FETUB: variants seen among roughly 807,000 people sequenced by gnomAD.
The protein encoded by FETUB is fetuin-B.
In FETUB, 28 loss-of-function variants were observed where a neutral mutation model predicts 30.9. The observed-to-expected ratio is 0.90, with a 90% CI of 0.67 to 1.24. The LOEUF is 1.24. FETUB is among the 50% of genes most tolerant of loss of function. The probability of loss-of-function intolerance (pLI) is 0.00; values close to 1 mark genes in which losing one functional copy is unlikely to be tolerated. For synonymous variants in FETUB, 186 were observed against 175.9 expected, an observed-to-expected ratio of 1.06 and a Z score of -0.45; for missense variants, 469 against 455.3, an observed-to-expected ratio of 1.03 and a Z score of -0.27.
chr3:186,649,777 G>A (rs1292140960), intron 5 of FETUB, among the ~76,000 whole-genome samples: 1 of 152,128 alleles, frequency 6.6e-6, no homozygotes, highest in Non-Finnish European at 1.5e-5. Flanking sequence ...AGCTCAGGAT[G>A]ATATTTCATC....
intron 5 of FETUB, among the ~76,000 whole-genome samples, chr3:186,647,649 G>A (rs1717660918): frequency 1.3e-5 from 2 of 152,042 alleles, no homozygotes; most frequent in Admixed American, 6.6e-5. Flanking sequence ...TTGGAAAAAT[G>A]TCTACATAAA....
intron 5 of FETUB, among the ~76,000 whole-genome samples, chr3:186,650,125 A>G (rs1184468137): frequency 8.6e-6 from 1 of 115,964 alleles, no homozygotes; most frequent in African/African-American, 3.4e-5. Context: ...TAAATATACA[A>G]GTGCAGTTGT....
At position 186,640,834 on chromosome 3, in the gene FETUB, C is replaced by T. The variant is rs556341355; in HGVS notation, c.225+149C>T. ...CTCTGTTCTCCTCTGCCAGGGTCAG[C>T]AACAACGCACTTATTGTTAGTAAAA... is the stretch of plus-strand genomic sequence containing the variant. On this transcript the variant is annotated intron_variant, in intron 1 of 6. Coordinates refer to ENST00000265029, the MANE Select transcript of FETUB (RefSeq NM_014375.3). The T allele has an allele frequency of 1.6e-4, 113 of 723,132 alleles. No homozygotes were observed. The African/African-American group carries it at 1.8e-3, about 12-fold the overall frequency. 44.8% of individuals were successfully genotyped at this position (723,132 alleles called of 1,614,324 possible).
At position 186,642,489 on chromosome 3, in the gene FETUB, G is replaced by T. The variant is rs775576005; in HGVS notation, c.355G>T (p.Ala119Ser). ...GTTTCAGGTTTATGGTCAATGCAAA[G>T]CAATATTTTATATGAACAACCCAAG... ...FFESVYGQCK[A>S]IFYMNNPSRV... Residue 119 changes from alanine to serine, a missense_variant, in exon 3 of 7, where the codon GCA becomes TCA. Ala to Ser is a moderately conservative substitution (Grantham distance 99, BLOSUM62 1). Coordinates refer to ENST00000265029, the MANE Select transcript of FETUB (RefSeq NM_014375.3). The T allele has an allele frequency of 6.2e-7, 1 of 1,605,376 alleles. No homozygotes were observed. Among genetic ancestry groups the T allele is most frequent in the South Asian group, 1.1e-5 (1 of 90,568 alleles).
At position 186,644,843 on chromosome 3, in the gene FETUB, G is replaced by T. The variant is rs199634697; in HGVS notation, c.517G>T (p.Glu173Ter). ...SNHQVLEAAT[E>*]SLAKYNNENT... ...TCACCAAGTGCTGGAGGCTGCCACC[G>T]AGTCTCTTGCGAAATACAACAATGA... The change falls in exon 4 of 7, where the codon GAG (glutamate) becomes TAG (stop). Residue 173 changes from glutamate (E) to a stop codon, truncating the protein, a stop_gained. Transcript: ENST00000265029. LOFTEE classifies it high-confidence loss of function. 2 of 1,613,848 alleles carry T rather than the reference G, an allele frequency of 1.2e-6. No individual in the cohort carries two copies. Among genetic ancestry groups the T allele is most frequent in the Non-Finnish European group, 1.7e-6 (2 of 1,179,964 alleles).
upstream of FETUB, among the ~76,000 whole-genome samples, chr3:186,638,076 C>T (rs1413705027): frequency 1.3e-5 from 2 of 152,172 alleles, no homozygotes; most frequent in East Asian, 1.9e-4. Flanking sequence ...TTTGGATTGA[C>T]AGGTTAAGCA....
intron 3 of FETUB, among the ~76,000 whole-genome samples, chr3:186,643,208 T>G (rs999046536): frequency 6.6e-6 from 1 of 152,206 alleles, no homozygotes; most frequent in South Asian, 2.1e-4. Flanking sequence ...TTCCTCCTCC[T>G]GCTGCACCCT....
chr3:186,647,663 T>A (rs1482172383), intron 5 of FETUB, among the ~76,000 whole-genome samples: 1 of 152,192 alleles, frequency 6.6e-6, no homozygotes, highest in Non-Finnish European at 1.5e-5. Flanking sequence ...ACATAAATCA[T>A]TTGCCTACCT....
intron 5 of FETUB, 89 bp from the exon 6 acceptor site, chr3:186,651,129 T>C: frequency 1.2e-6 from 1 of 821,624 alleles, no homozygotes; most frequent in East Asian, 2.5e-5. Context: ...AAATGTTGAT[T>C]GGCTGTGTAT....
intron 1 of FETUB, 68 bp downstream of exon 1, chr3:186,640,753 G>A (rs1716979523): frequency 2.3e-6 from 3 of 1,294,808 alleles, no homozygotes; most frequent in Middle Eastern, 1.8e-4. Flanking sequence ...CCAGGGTGAG[G>A]GAACCCAGAG....
upstream of FETUB, among the ~76,000 whole-genome samples, chr3:186,639,897 A>G (rs2108512733): frequency 6.6e-6 from 1 of 152,360 alleles, no homozygotes; most frequent in South Asian, 2.1e-4. Context: ...TGATAAGTAG[A>G]ACATTTTCCA....
Position 186,652,254 on chromosome 3 carries a change from T to G in FETUB, c.781-9T>G. 1 of 1,534,948 alleles carries G rather than the reference T, an allele frequency of 6.5e-7. No homozygotes were observed. The highest frequency in any genetic ancestry group is 8.7e-7 in the Non-Finnish European group (1 of 1,146,058). On this transcript the variant is annotated splice_polypyrimidine_tract_variant and intron_variant, in intron 6 of 6. Transcript: ENST00000265029. Reference sequence around the variant, plus strand: ...TGGAACTCTACATTCAAAAATGTTCTCATTCCAGGCTCCAGCCACTGGAAG... The same window carrying G: ...TGGAACTCTACATTCAAAAATGTTCGCATTCCAGGCTCCAGCCACTGGAAG...
In FETUB at chr3:186,644,825, G is replaced by C. The variant is rs1472138378; in HGVS notation, c.499G>C (p.Val167Leu). ...SIPTDSSNHQ[V>L]LEAATESLAK... ...ACCCACTGACTCTTCCAATCACCAAGTGCTGGAGGCTGCCACCGAGTCTCT... is the reference window on the plus strand; with the variant it reads ...ACCCACTGACTCTTCCAATCACCAACTGCTGGAGGCTGCCACCGAGTCTCT... The change falls in exon 4 of 7, where the codon GTG becomes CTG. Residue 167 changes from valine (V) to leucine (L), a missense_variant. Coordinates refer to ENST00000265029, the MANE Select transcript of FETUB (RefSeq NM_014375.3). 7 of 1,613,692 alleles carry C rather than the reference G, an allele frequency of 4.3e-6. No individual in the cohort carries two copies. Among genetic ancestry groups the C allele is most frequent in the Admixed American group, 1.7e-5 (1 of 59,986 alleles).
chr3:186,638,152 A>T (rs1277121550), upstream of FETUB, among the ~76,000 whole-genome samples: 6 of 152,240 alleles, frequency 3.9e-5, no homozygotes, highest in African/African-American at 1.4e-4. Context: ...CAGAAATTTT[A>T]AAATTAAATA....
chr3:186,637,518 A>G (rs577491285), upstream of FETUB, among the ~76,000 whole-genome samples: 5 of 152,320 alleles, frequency 3.3e-5, no homozygotes, highest in Admixed American at 6.5e-5. Flanking sequence ...CTGTTCTCAA[A>G]TCAATAATCC....
intron 5 of FETUB, among the ~76,000 whole-genome samples, chr3:186,650,922 G>A (rs184698342): frequency 1.8e-4 from 27 of 152,326 alleles, no homozygotes; most frequent in African/African-American, 6.5e-4. Flanking sequence ...TAGAACTAAG[G>A]CCAAGAGGTA....
upstream of FETUB, among the ~76,000 whole-genome samples, chr3:186,636,602 A>G (rs1716780497): frequency 6.6e-6 from 1 of 152,222 alleles, no homozygotes. Flanking sequence ...GGCTGATAAA[A>G]GTAAGAGGAA....
chr3:186,639,612 A>G (rs1716889044), upstream of FETUB, among the ~76,000 whole-genome samples: 1 of 147,392 alleles, frequency 6.8e-6, no homozygotes, highest in Non-Finnish European at 1.5e-5. Flanking sequence ...TGTCTTTTGT[A>G]TGGTCCCAAT....
In FETUB at chr3:186,650,180, G is replaced by GT. The variant is rs1717903502; in HGVS notation, c.697-1038_697-1037insT. ...CTTTGTTGGCGGGGGTGGGGGGGGGGGGTAAATCACCAGCTGTGGGATTGC... is the reference window on the plus strand; with the variant it reads ...CTTTGTTGGCGGGGGTGGGGGGGGGGTGGTAAATCACCAGCTGTGGGATTGC... On this transcript the variant is annotated intron_variant, in intron 5 of 6. Transcript: ENST00000265029. Among the ~76,000 whole-genome samples, 2 of 85,722 alleles carry GT rather than the reference G, an allele frequency of 2.3e-5. 1 individual carries two copies. The highest frequency in any genetic ancestry group is 4.5e-5 in the Non-Finnish European group (2 of 44,764). The allele number at this position is 85,722 out of a possible 152,430, so 56.2% of individuals were successfully genotyped here.
Sources: gnomAD v4.1 joint callset for allele counts (sites outside exome capture counted in the v4.1 genomes callset) on GRCh38, gnomAD v4.1.1 for gene constraint, MANE v1.5 for transcripts, NCBI Gene and HGNC (gene_info 2026-07-23, HGNC 2026-07-21) for gene names.